The following PPIL2 variants were observed in gnomAD, a reference collection of about 807,000 sequenced individuals.
PPIL2 encodes RING-type E3 ubiquitin-protein ligase PPIL2.
In PPIL2, 50 loss-of-function variants were observed where a neutral mutation model predicts 75.2. That is an observed-to-expected ratio of 0.66 (90% CI 0.53 to 0.84). The LOEUF (loss-of-function observed/expected upper bound fraction) is 0.84, where lower values mean the gene tolerates loss of function less well. Ranked by LOEUF, PPIL2 falls within the 40% of genes least tolerant of loss-of-function variation. The pLI, the probability that PPIL2 is intolerant of heterozygous loss-of-function variation, is 0.00. For missense variants in PPIL2, 590 were observed against 685.0 expected, an observed-to-expected ratio of 0.86 and a Z score of 1.55; for synonymous variants, 245 against 258.8, an observed-to-expected ratio of 0.95 and a Z score of 0.51.
chr22:21,687,518 A>C, intron 12 of PPIL2, 125 bp from the exon 13 acceptor site: 1 of 666,564 alleles, frequency 1.5e-6, no homozygotes, highest in Non-Finnish European at 2.4e-6. Context: ...GCGCCACAGC[A>C]CTCCAGCCTG....
intron 9 of PPIL2, among the ~76,000 whole-genome samples, chr22:21,683,526 G>T (rs572764075): frequency 1.3e-5 from 2 of 152,382 alleles, no homozygotes; most frequent in South Asian, 4.1e-4. Context: ...AGGTGGTGGG[G>T]TGATGGGGTC....
intron 11 of PPIL2, among the ~76,000 whole-genome samples, 160 bp downstream of exon 11, chr22:21,686,718 A>C (rs1876221159): frequency 6.6e-6 from 1 of 152,012 alleles, no homozygotes; most frequent in South Asian, 2.1e-4. Flanking sequence ...TGCCAGCCCC[A>C]TGAGGCTGGG....
chr22:21,693,931 C>T (rs948335830), intron 16 of PPIL2, 59 bp downstream of exon 16: 1 of 1,493,374 alleles, frequency 6.7e-7, no homozygotes, highest in African/African-American at 1.4e-5. Context: ...GTTCCTTCCC[C>T]ACCTGAGGCC....
At position 21,694,981 on chromosome 22, in the gene PPIL2, CAA is replaced by C; in HGVS notation, c.1379_1380del (p.Lys460SerfsTer119). 3 of 1,613,848 alleles carry C rather than the reference CAA, an allele frequency of 1.9e-6. No individual in the cohort carries two copies. The highest frequency in any genetic ancestry group is 2.5e-6 in the Non-Finnish European group (3 of 1,180,024). On this transcript the variant is annotated frameshift_variant, in exon 19 of 20. Coordinates refer to ENST00000398831, the MANE Select transcript of PPIL2 (RefSeq NM_014337.4). LOFTEE classifies it high-confidence loss of function. ...KTQLKVAPET[K>X]VKSSQPQAGS... ...CACAGCTCAAGGTAGCCCCGGAGAC[CAA>C]AGTGAAGAGCAGCCAGCCCCAGGCA...
In PPIL2 at chr22:21,681,386, A is replaced by G. The variant is rs866157517; in HGVS notation, c.383A>G (p.Tyr128Cys). Residue 128 changes from tyrosine to cysteine, a missense_variant, in exon 7 of 20, where the codon TAT becomes TGT. Physicochemically the swap from Tyr to Cys is radical, Grantham distance 194 (BLOSUM62 -2). Transcript: ENST00000398831. ...AGGACGACCGGCAACGTCTACGCCT[A>G]TGAGGTGTGTCCTCGCTCCGGGGCG... is the stretch of plus-strand genomic sequence containing the variant. ...AVRTTGNVYA[Y>C]EAVEQLNIKA... The G allele has an allele frequency of 1.9e-6, 3 of 1,611,806 alleles. No homozygotes were observed. The highest frequency in any genetic ancestry group is 1.7e-5 in the Admixed American group (1 of 60,000).
intron 3 of PPIL2, 58 bp downstream of exon 3, chr22:21,670,669 G>A: frequency 6.6e-7 from 1 of 1,521,620 alleles, no homozygotes. Context: ...CTGTCTGATA[G>A]TGAATCTGCC....
At chr22:21,675,260 G>T in intron 6 of PPIL2, 145 bp downstream of exon 6, 3 of 767,658 alleles carry the variant, frequency 3.9e-6, no homozygotes, top group Non-Finnish European at 6.4e-6. Context: ...TCACAGGGCT[G>T]GGCACGGTGG....
chr22:21,668,281 C>G (rs1005094484), intron 1 of PPIL2, among the ~76,000 whole-genome samples: 4 of 152,080 alleles, frequency 2.6e-5, no homozygotes, highest in African/African-American at 9.6e-5. Context: ...GTTATATCCC[C>G]CTCCCTTTTG....
At chr22:21,674,207 T>C (rs2066744315) in intron 5 of PPIL2, among the ~76,000 whole-genome samples, 2 of 152,102 alleles carry the variant, frequency 1.3e-5, no homozygotes. Context: ...CAGCAGCACA[T>C]AGCTCTGCCT....
At chr22:21,688,658 G>A (rs371068362) in intron 14 of PPIL2, 74 bp from the exon 15 acceptor site, 24 of 1,438,712 alleles carry the variant, frequency 1.7e-5, no homozygotes, top group African/African-American at 7.0e-5. Context: ...GATGCCCCTC[G>A]GGACTCTGAG....
At chr22:21,692,355 CG>C (rs1262476977) in intron 15 of PPIL2, among the ~76,000 whole-genome samples, 12 of 151,398 alleles carry the variant, frequency 7.9e-5, no homozygotes, top group African/African-American at 2.9e-4. Context: ...GGGGTTTCAC[CG>C]TGTTAGCGAG....
chr22:21,688,974 C>T, intron 15 of PPIL2, 125 bp downstream of exon 15: 1 of 925,258 alleles, frequency 1.1e-6, no homozygotes, highest in Non-Finnish European at 1.7e-6. Context: ...GTACGGCACA[C>T]CTAGGCCAAG....
intron 1 of PPIL2, among the ~76,000 whole-genome samples, chr22:21,668,751 G>A (rs1188647679): frequency 2.1e-5 from 3 of 140,608 alleles, no homozygotes; most frequent in Non-Finnish European, 3.1e-5. Context: ...TCGCTCTGTC[G>A]CCCAGGCTGG....
At position 21,684,760 on chromosome 22, in the gene PPIL2, G is replaced by A. The variant is rs780712932; in HGVS notation, c.561G>A (p.Glu187=). 3.1e-6 allele frequency: 5 copies of A among 1,613,878 alleles called. No homozygotes were observed. In the African/African-American group the frequency reaches 5.3e-5, roughly 17 times the overall value. ...NNMKIIDPDE[E]KAKQDPSYYL... is the part of the protein sequence containing the mutation. ...CATGCTACTGTTTTGTAGATGAAGA[G>A]AAGGCCAAACAGGACCCGTCTTATT... Residue 187 remains glutamate (E), a synonymous_variant, in exon 10 of 20, where the codon GAG becomes GAA. Coordinates refer to ENST00000398831, the MANE Select transcript of PPIL2 (RefSeq NM_014337.4).
At chr22:21,688,687 G>A in intron 14 of PPIL2, 45 bp from the exon 15 acceptor site, 1 of 1,584,442 alleles carries the variant, frequency 6.3e-7, no homozygotes, top group Non-Finnish European at 8.7e-7. Flanking sequence ...TTCTGCCTCG[G>A]CTGGGGCCCA....
intron 16 of PPIL2, among the ~76,000 whole-genome samples, chr22:21,694,108 G>A (rs1219979515): frequency 6.6e-6 from 1 of 152,188 alleles, no homozygotes; most frequent in African/African-American, 2.4e-5. Flanking sequence ...ATGTGGCCTG[G>A]ACACTGCCCT....
At chr22:21,686,775 T>A in intron 11 of PPIL2, 117 bp from the exon 12 acceptor site, 1 of 1,133,294 alleles carries the variant, frequency 8.8e-7, no homozygotes, top group Non-Finnish European at 1.3e-6. Flanking sequence ...CCAGCTCCCC[T>A]GCTCTCCCCA....
chr22:21,695,048 A>G lies in PPIL2; in HGVS notation c.1444A>G (p.Lys482Glu). 6.2e-7 allele frequency: 1 copy of G among 1,610,010 alleles called. No homozygotes were observed. Among genetic ancestry groups the G allele is most frequent in the Non-Finnish European group, 8.5e-7 (1 of 1,179,608 alleles). Reference protein sequence around the residue: ...GPQTFRQGVGKYINPAATKRA... With the variant: ...GPQTFRQGVGEYINPAATKRA... ...CCAGACCTTCCGCCAGGGCGTGGGC[A>G]AGTACATCAACCCAGCAGCCACGTG... The change falls in exon 19 of 20, where the codon AAG (lysine) becomes GAG (glutamate). Residue 482 changes from lysine (K) to glutamate (E), a missense_variant. Coordinates refer to ENST00000398831, the MANE Select transcript of PPIL2 (RefSeq NM_014337.4).
At chr22:21,666,226 C>G (rs536392017) in intron 1 of PPIL2, 95 bp downstream of exon 1, 24 of 1,388,200 alleles carry the variant, frequency 1.7e-5, no homozygotes, top group Middle Eastern at 3.6e-4. Flanking sequence ...CTCAGCTACT[C>G]CCCAGAGCAC....
Sources: allele counts gnomAD v4.1 joint callset (sites outside exome capture counted in the v4.1 genomes callset), GRCh38; gene constraint gnomAD v4.1.1; transcripts MANE v1.5; gene names NCBI Gene and HGNC (gene_info 2026-07-23, HGNC 2026-07-21).